TBCK: variants seen among roughly 807,000 people sequenced by gnomAD.
TBCK encodes the protein TBC domain-containing protein kinase-like protein.
TBCK carries 99 observed loss-of-function variants against 113.4 expected under a neutral mutation model. The ratio of observed to expected loss-of-function variants is 0.87; its 90% CI spans 0.74 to 1.03. The LOEUF (loss-of-function observed/expected upper bound fraction) is 1.03, where lower values mean the gene tolerates loss of function less well. Among genes scored for constraint, TBCK ranks in the 50% least tolerant of loss-of-function variants. The pLI is 0.00. For synonymous variants in TBCK, 369 were observed against 370.8 expected, an observed-to-expected ratio of 1.00 and a Z score of 0.05; for missense variants, 1,045 against 1,061.3, an observed-to-expected ratio of 0.98 and a Z score of 0.21.
At chr4:106,229,961 T>C (rs1758676181) in intron 19 of TBCK, among the ~76,000 whole-genome samples, 1 of 151,946 alleles carries the variant, frequency 6.6e-6, no homozygotes, top group Non-Finnish European at 1.5e-5. Context: ...TGGGTATGCA[T>C]GCATGGGAAA....
At chr4:106,066,973 C>T (rs1211970027) in intron 25 of TBCK, among the ~76,000 whole-genome samples, 4 of 152,186 alleles carry the variant, frequency 2.6e-5, no homozygotes, top group African/African-American at 9.6e-5. Flanking sequence ...CTACAATGAA[C>T]ATTGGTGTAC....
chr4:106,229,641 A>G (rs1006865410), intron 19 of TBCK, among the ~76,000 whole-genome samples: 1 of 151,940 alleles, frequency 6.6e-6, no homozygotes, highest in African/African-American at 2.4e-5. Flanking sequence ...TTCAGTTACT[A>G]TAGCTCTGTA....
In TBCK at chr4:106,045,121, C is replaced by T. The variant is rs1487652742; in HGVS notation, c.*1449G>A. On this transcript the variant is annotated 3_prime_UTR_variant, in exon 26 of 26. Coordinates refer to ENST00000394708, the MANE Select transcript of TBCK (RefSeq NM_001163435.3). ...TTGCCCAGGCTGGGGTACAGTGGCCCTATCATGGCTCATTGCAACCTCTGC... is the reference window on the plus strand; with the variant it reads ...TTGCCCAGGCTGGGGTACAGTGGCCTTATCATGGCTCATTGCAACCTCTGC... 2 of 149,546 alleles carry T rather than the reference C, an allele frequency of 1.3e-5. No individual in the cohort carries two copies. Among genetic ancestry groups the T allele is most frequent in the Non-Finnish European group, 3.0e-5 (2 of 67,772 alleles). The allele number at this position is 149,546 out of a possible 1,614,324, so 9.3% of individuals were successfully genotyped here.
intron 25 of TBCK, among the ~76,000 whole-genome samples, chr4:106,069,159 T>C (rs1305489635): frequency 6.6e-6 from 1 of 152,238 alleles, no homozygotes; most frequent in Non-Finnish European, 1.5e-5. Flanking sequence ...TTAGATCTCA[T>C]TTGTCAATTT....
chr4:106,056,253 G>A (rs993114226), intron 25 of TBCK, among the ~76,000 whole-genome samples: 16 of 149,436 alleles, frequency 1.1e-4, no homozygotes, highest in African/African-American at 3.7e-4. Flanking sequence ...AGACTTTAAG[G>A]TCTTTTTTTA....
At chr4:106,297,852 A>AT (rs1299638033) in intron 2 of TBCK, 3 of 152,120 alleles carry the variant, frequency 2.0e-5, no homozygotes, top group African/African-American at 7.2e-5. Flanking sequence ...TCTATGCCAG[A>AT]TTTTTTCTGT....
At chr4:106,147,980 CT>C (rs1056792086) in intron 23 of TBCK, among the ~76,000 whole-genome samples, 1 of 152,180 alleles carries the variant, frequency 6.6e-6, no homozygotes, top group African/African-American at 2.4e-5. Flanking sequence ...ACTGGCCCCC[CT>C]GGGCGTGGCC....
chr4:106,106,285 A>C (rs1201542221), intron 24 of TBCK, among the ~76,000 whole-genome samples: 1 of 152,226 alleles, frequency 6.6e-6, no homozygotes, highest in African/African-American at 2.4e-5. Flanking sequence ...AATTCAGGAA[A>C]TACAGAGAAC....
At chr4:106,130,475 A>G (rs901299519) in intron 23 of TBCK, among the ~76,000 whole-genome samples, 9 of 152,094 alleles carry the variant, frequency 5.9e-5, no homozygotes, top group African/African-American at 2.2e-4. Flanking sequence ...TACAAAAAAT[A>G]TTTCCTAATG....
intron 23 of TBCK, among the ~76,000 whole-genome samples, chr4:106,125,794 T>TATGGAAATA (rs1398708219): frequency 6.6e-6 from 1 of 152,026 alleles, no homozygotes; most frequent in Non-Finnish European, 1.5e-5. Flanking sequence ...GGTTAATGAA[T>TATGGAAATA]ATGGAAATAC....
intron 25 of TBCK, among the ~76,000 whole-genome samples, chr4:106,075,585 T>C (rs1007272797): frequency 2.0e-5 from 3 of 152,220 alleles, no homozygotes; most frequent in Non-Finnish European, 4.4e-5. Context: ...TAGTGTTCTA[T>C]ACAATGCCTT....
Position 106,046,538 on chromosome 4 carries a change from C to T in TBCK, c.*32G>A, listed in dbSNP as rs1180698453. The T allele has an allele frequency of 5.8e-6, 7 of 1,208,188 alleles. No individual in the cohort carries two copies. The highest frequency in any genetic ancestry group is 1.5e-5 in the African/African-American group (1 of 66,820). The allele number at this position is 1,208,188 out of a possible 1,614,324, so 74.8% of individuals were successfully genotyped here. On this transcript the variant is annotated 3_prime_UTR_variant, in exon 26 of 26. Transcript: ENST00000394708. ...AACTGTGCTGTTGGTGCTGATGCCA[C>T]ACTAAGTTTTGGCAGTCACACTCTT...
chr4:106,192,296 A>G (rs1437646626), intron 22 of TBCK, among the ~76,000 whole-genome samples: 2 of 152,096 alleles, frequency 1.3e-5, no homozygotes, highest in Admixed American at 6.6e-5. Flanking sequence ...CCTAATATAT[A>G]TATTTTTAGA....
chr4:106,126,047 T>C (rs1159021071), intron 23 of TBCK, among the ~76,000 whole-genome samples: 3 of 152,240 alleles, frequency 2.0e-5, no homozygotes, highest in Non-Finnish European at 4.4e-5. Context: ...CCTTATGCTT[T>C]AGCATTAGCA....
intron 20 of TBCK, among the ~76,000 whole-genome samples, chr4:106,197,769 T>G (rs1230730929): frequency 3.3e-5 from 5 of 152,034 alleles, no homozygotes; most frequent in Non-Finnish European, 7.4e-5. Context: ...AACTGCCTCT[T>G]TTTTCTACCA....
intron 24 of TBCK, among the ~76,000 whole-genome samples, chr4:106,105,688 T>C (rs941561573): frequency 1.5e-4 from 23 of 152,172 alleles, no homozygotes; most frequent in African/African-American, 4.8e-4. Context: ...AGACAGTCAG[T>C]CAGCTTCCAA....
intron 5 of TBCK, among the ~76,000 whole-genome samples, chr4:106,253,711 T>C (rs1579407469): frequency 2.6e-5 from 4 of 152,334 alleles, no homozygotes; most frequent in Admixed American, 2.6e-4. Flanking sequence ...TTGAGGCATA[T>C]GTTCATATGT....
Position 106,046,642 on chromosome 4 carries a change from G to A in TBCK, c.2610C>T (p.Ile870=), listed in dbSNP as rs774804811. 5 of 1,612,070 alleles carry A rather than the reference G, an allele frequency of 3.1e-6. No individual in the cohort carries two copies. In the East Asian group the frequency reaches 1.1e-4, roughly 36 times the overall value. Residue 870 remains isoleucine, a synonymous_variant, in exon 26 of 26, where the codon ATC becomes ATT. Transcript: ENST00000394708. ...TATTAATGCCACCATCTAGAATACAGATTCTTGGATATTTCATCTTCACAA... is the reference window on the plus strand; with the variant it reads ...TATTAATGCCACCATCTAGAATACAAATTCTTGGATATTTCATCTTCACAA... ...AHLVKMKYPR[I]CILDGGINKI... is the part of the protein sequence containing the mutation.
chr4:106,105,153 C>CAA (rs1041166003), intron 24 of TBCK, among the ~76,000 whole-genome samples: 1 of 152,228 alleles, frequency 6.6e-6, no homozygotes, highest in African/African-American at 2.4e-5. Context: ...TCCATACCTC[C>CAA]AACAAGCTGC....
Sources: gnomAD v4.1 joint callset for allele counts (sites outside exome capture counted in the v4.1 genomes callset) on GRCh38, gnomAD v4.1.1 for gene constraint, MANE v1.5 for transcripts, NCBI Gene and HGNC (gene_info 2026-07-23, HGNC 2026-07-21) for gene names.